The following NRCAM variants were observed in gnomAD, a reference collection of about 807,000 sequenced individuals.
NRCAM encodes the protein NgCAM-related cell adhesion molecule.
Under a neutral mutation model 156.5 loss-of-function variants are expected in NRCAM, and 83 were observed. The observed-to-expected ratio is 0.53, with a 90% CI of 0.44 to 0.64. NRCAM has a LOEUF of 0.64. NRCAM is among the 30% of genes least tolerant of loss of function. NRCAM has a pLI of 0.00. For synonymous variants in NRCAM, 538 were observed against 563.9 expected (o/e 0.95, Z 0.65); for missense variants, 1,417 against 1,597.3 (o/e 0.89, Z 1.92).
In NRCAM at chr7:108,411,454, T is replaced by C. The variant is rs1347110935; in HGVS notation, c.-331-11861A>G. ...TATAACTGGGTTGATGTTAATACTATATGCTATTTTACAACTTACTTTTTA... is the reference window on the plus strand; with the variant it reads ...TATAACTGGGTTGATGTTAATACTACATGCTATTTTACAACTTACTTTTTA... On this transcript the variant is annotated intron_variant, in intron 1 of 32. Coordinates refer to ENST00000379028, the MANE Select transcript of NRCAM (RefSeq NM_001037132.4). Among the ~76,000 whole-genome samples, 3 of 152,346 alleles carry C rather than the reference T, an allele frequency of 2.0e-5. No individual in the cohort carries two copies. The East Asian group carries it at 5.8e-4, about 29-fold the overall frequency.
intron 1 of NRCAM, among the ~76,000 whole-genome samples, chr7:108,446,568 G>A (rs915289662): frequency 3.3e-5 from 5 of 152,182 alleles, no homozygotes; most frequent in African/African-American, 1.2e-4. Flanking sequence ...CCGAAGTTAG[G>A]AGACATGGAG....
chr7:108,387,489 T>C (rs2160555), intron 2 of NRCAM, among the ~76,000 whole-genome samples: 145,338 of 152,240 alleles, frequency 0.95, 69,434 homozygotes, highest in East Asian at 1. Context: ...GCACTGAATA[T>C]TTTGCTGTCA....
intron 1 of NRCAM, among the ~76,000 whole-genome samples, chr7:108,446,922 G>GT (rs1844941663): frequency 6.6e-6 from 1 of 151,656 alleles, no homozygotes; most frequent in African/African-American, 2.4e-5. Flanking sequence ...TAGAGATGGG[G>GT]TTTCACCATG....
rs550611122 is a variant in NRCAM, at chr7:108,252,399, T to A, written c.-106-12229A>T. Among the ~76,000 whole-genome samples the A allele has an allele frequency of 4.6e-5, 7 of 152,352 alleles. 1 individual carries two copies. The East Asian group carries it at 1.2e-3, about 25-fold the overall frequency. ...TCGAGAATTTTAAATAAGACTATTG[T>A]AGGCCCTTGCTAGAGTATAAAACAC... On this transcript the variant is annotated intron_variant, in intron 3 of 32. Transcript: ENST00000379028.
chr7:108,182,814 G>C lies in NRCAM; in HGVS notation c.2411C>G (p.Ser804Cys), dbSNP rs201534122. 90 of 1,614,082 alleles carry C rather than the reference G, an allele frequency of 5.6e-5. No individual in the cohort carries two copies. Among genetic ancestry groups the C allele is most frequent in the Non-Finnish European group, 7.0e-5 (83 of 1,180,038 alleles). ...TGGCGTGCCTGAGACAATATATTTG[G>C]ATACATTTGCCACAACCACAGATGT... ...EWTSVVVANV[S>C]KYIVSGTPTF... The change falls in exon 23 of 33, where the codon TCC becomes TGC. Residue 804 changes from serine (S) to cysteine (C), a missense_variant. Ser to Cys is a moderately radical substitution (Grantham distance 112). This residue lies in a region of NRCAM where 1,238 missense variants were observed against 1,336.4 expected (regional missense o/e 0.93). Coordinates refer to ENST00000379028, the MANE Select transcript of NRCAM (RefSeq NM_001037132.4).
chr7:108,456,522 T>G (rs1194856755), upstream of NRCAM: 2 of 150,732 alleles, frequency 1.3e-5, no homozygotes, highest in African/African-American at 2.4e-5. Flanking sequence ...CCGGCTCTCC[T>G]TAGCGTCCTC....
chr7:108,309,555 G>A (rs2098770551), intron 3 of NRCAM, among the ~76,000 whole-genome samples: 1 of 152,112 alleles, frequency 6.6e-6, no homozygotes, highest in Admixed American at 6.6e-5. Context: ...TGTCTTTACT[G>A]TTAAATTGTA....
intron 2 of NRCAM, among the ~76,000 whole-genome samples, chr7:108,383,890 G>C (rs1310181623): frequency 6.6e-6 from 1 of 152,150 alleles, no homozygotes; most frequent in African/African-American, 2.4e-5. Context: ...TCTGAAAAAT[G>C]ACCATCATGA....
chr7:108,345,018 T>C (rs1370199197), intron 2 of NRCAM, among the ~76,000 whole-genome samples: 2 of 152,224 alleles, frequency 1.3e-5, no homozygotes, highest in East Asian at 3.8e-4. Flanking sequence ...GTGGAAGTTT[T>C]ACTGAAACAA....
At chr7:108,280,212 T>G (rs754892740) in intron 3 of NRCAM, among the ~76,000 whole-genome samples, 1 of 152,244 alleles carries the variant, frequency 6.6e-6, no homozygotes, top group Non-Finnish European at 1.5e-5. Flanking sequence ...AATAAAATTA[T>G]TCTTCCCAAC....
intron 3 of NRCAM, among the ~76,000 whole-genome samples, chr7:108,302,910 T>A (rs12540012): frequency 0.53 from 80,717 of 152,066 alleles, 22,580 homozygotes; most frequent in East Asian, 0.82. Flanking sequence ...AACAGATTCA[T>A]CACAGTCCTG....
chr7:108,386,699 A>G (rs939809197), intron 2 of NRCAM, among the ~76,000 whole-genome samples: 1 of 152,192 alleles, frequency 6.6e-6, no homozygotes, highest in African/African-American at 2.4e-5. Context: ...ACCTGTTGTT[A>G]TATGTTCAGA....
chr7:108,156,227 T>C (rs1256867285), intron 32 of NRCAM: 1 of 894,526 alleles, frequency 1.1e-6, no homozygotes, highest in African/African-American at 1.8e-5. Flanking sequence ...GTTAGCATGC[T>C]TGCCACAAGC....
At chr7:108,195,733 T>C (rs878998543) in intron 15 of NRCAM, 28 bp downstream of exon 15, 23 of 1,267,852 alleles carry the variant, frequency 1.8e-5, no homozygotes, top group South Asian at 4.9e-5. Flanking sequence ...ATTTTAAGTA[T>C]TGAAAAACAC....
At chr7:108,247,227 G>T (rs2096001372) in intron 3 of NRCAM, among the ~76,000 whole-genome samples, 1 of 152,164 alleles carries the variant, frequency 6.6e-6, no homozygotes, top group Admixed American at 6.5e-5. Context: ...TTTAGGAATG[G>T]TTTATTATAT....
intron 32 of NRCAM, 55 bp from the exon 33 acceptor site, chr7:108,150,202 GTT>G: frequency 9.1e-6 from 13 of 1,432,102 alleles, no homozygotes; most frequent in Non-Finnish European, 1.2e-5. Flanking sequence ...AACATTTTCT[GTT>G]TTTAAAGACC....
intron 3 of NRCAM, among the ~76,000 whole-genome samples, chr7:108,267,086 A>C (rs1319228361): frequency 6.6e-6 from 1 of 152,218 alleles, no homozygotes; most frequent in Non-Finnish European, 1.5e-5. Flanking sequence ...CATGACACCC[A>C]CACACACAGC....
intron 20 of NRCAM, among the ~76,000 whole-genome samples, 156 bp downstream of exon 20, chr7:108,189,489 A>C (rs541085491): frequency 6.6e-6 from 1 of 152,220 alleles, no homozygotes; most frequent in Non-Finnish European, 1.5e-5. Context: ...TTCAGCTCTG[A>C]AGAGAGGAAG....
chr7:108,168,767 T>G (rs1250205688), intron 28 of NRCAM, among the ~76,000 whole-genome samples: 6 of 152,218 alleles, frequency 3.9e-5, no homozygotes. Flanking sequence ...ACAGACGTCA[T>G]CATGGAATGT....
Sources: gnomAD v4.1 joint callset for allele counts (sites outside exome capture counted in the v4.1 genomes callset) on GRCh38, gnomAD v4.1.1 for gene constraint, gnomAD v4.1.1 regional missense constraint, MANE v1.5 for transcripts, NCBI Gene and HGNC (gene_info 2026-07-23, HGNC 2026-07-21) for gene names.